TRAPPC9: variants seen among roughly 807,000 people sequenced by gnomAD.
The protein encoded by TRAPPC9 is trafficking protein particle complex subunit 9.
TRAPPC9 carries 83 observed loss-of-function variants against 124.0 expected under a neutral mutation model. The observed-to-expected ratio is 0.67, with a 90% CI of 0.56 to 0.80. The LOEUF is 0.80. TRAPPC9 is among the 30% of genes least tolerant of loss of function. TRAPPC9 has a pLI of 0.00. For synonymous variants in TRAPPC9, 638 were observed against 617.5 expected (o/e 1.03, Z -0.49); for missense variants, 1,302 against 1,508.3 (o/e 0.86, Z 2.27).
At chr8:140,446,090 C>T (rs941059314) in intron 2 of TRAPPC9, among the ~76,000 whole-genome samples, 2 of 152,146 alleles carry the variant, frequency 1.3e-5, no homozygotes, top group East Asian at 1.9e-4. Flanking sequence ...GTCAGGAGTT[C>T]GAGACCAGCC....
At chr8:139,768,894 C>T (rs1317197974) in intron 21 of TRAPPC9, among the ~76,000 whole-genome samples, 1 of 152,018 alleles carries the variant, frequency 6.6e-6, no homozygotes, top group African/African-American at 2.4e-5. Context: ...CAAGATGGGC[C>T]CAATCCTCTC....
intron 21 of TRAPPC9, among the ~76,000 whole-genome samples, chr8:139,782,794 T>C (rs1312938296): frequency 6.6e-6 from 1 of 152,244 alleles, no homozygotes; most frequent in Non-Finnish European, 1.5e-5. Context: ...TTTATCAATA[T>C]AGACCATATT....
At chr8:140,457,865 G>A (rs1280419221), upstream of TRAPPC9, 2 of 1,052,462 alleles carry the variant, frequency 1.9e-6, no homozygotes, top group Non-Finnish European at 1.2e-6. Flanking sequence ...GAGAAAAGAG[G>A]AAGGAGGAGC....
intron 9 of TRAPPC9, among the ~76,000 whole-genome samples, chr8:140,329,204 A>G (rs2066828168): frequency 6.6e-6 from 1 of 152,188 alleles, no homozygotes; most frequent in Non-Finnish European, 1.5e-5. Flanking sequence ...ACACATCTGG[A>G]AAGAATGCTA....
intron 2 of TRAPPC9, among the ~76,000 whole-genome samples, chr8:140,447,074 C>A (rs2071287935): frequency 6.6e-6 from 1 of 152,222 alleles, no homozygotes; most frequent in African/African-American, 2.4e-5. Flanking sequence ...AAGCATGGCG[C>A]TGCAGCCTGG....
chr8:140,026,996 C>T (rs370464468), intron 17 of TRAPPC9, among the ~76,000 whole-genome samples: 3 of 152,222 alleles, frequency 2.0e-5, no homozygotes, highest in African/African-American at 4.8e-5. Context: ...CTTGTGAACA[C>T]GTCTCAGACC....
intron 17 of TRAPPC9, among the ~76,000 whole-genome samples, chr8:140,140,535 A>G (rs989709991): frequency 4.6e-5 from 7 of 152,104 alleles, no homozygotes; most frequent in African/African-American, 1.7e-4. Flanking sequence ...CTATACATCA[A>G]TCAGCGAATG....
intron 20 of TRAPPC9, among the ~76,000 whole-genome samples, chr8:139,902,777 A>C (rs1190041356): frequency 6.6e-6 from 1 of 152,186 alleles, no homozygotes; most frequent in Non-Finnish European, 1.5e-5. Context: ...AGCCCACGTC[A>C]AGTGCCTGAG....
intron 21 of TRAPPC9, among the ~76,000 whole-genome samples, chr8:139,739,889 A>C (rs1200950316): frequency 6.6e-6 from 1 of 152,220 alleles, no homozygotes; most frequent in African/African-American, 2.4e-5. Context: ...GTTCCATTTC[A>C]TATCTGCTGG....
chr8:139,943,961 G>A (rs1424480454), intron 19 of TRAPPC9, among the ~76,000 whole-genome samples: 1 of 152,084 alleles, frequency 6.6e-6, no homozygotes, highest in Non-Finnish European at 1.5e-5. Flanking sequence ...CCTGTCCTTG[G>A]AGGCACAAGA....
chr8:139,859,652 C>T lies in TRAPPC9; in HGVS notation c.3055+26227G>A, dbSNP rs565167109. Among the ~76,000 whole-genome samples the T allele has an allele frequency of 7.9e-5, 12 of 152,352 alleles. No homozygotes were observed. The East Asian group carries it at 9.7e-4, about 12-fold the overall frequency. On this transcript the variant is annotated intron_variant, in intron 21 of 22. Transcript: ENST00000438773. The stretch of plus-strand genomic sequence containing the variant: ...GTCAGATCTGCCCCATGCGGCCAGA[C>T]GGCCAGAGAGAAGCTGGGGACATAT...
chr8:140,040,415 G>C (rs1015333319), intron 17 of TRAPPC9: 5 of 152,300 alleles, frequency 3.3e-5, no homozygotes, highest in African/African-American at 7.2e-5. Context: ...TCCTATTTTA[G>C]ACGGAGTCTC....
chr8:139,752,469 A>C (rs564971495), intron 21 of TRAPPC9, among the ~76,000 whole-genome samples: 1 of 150,260 alleles, frequency 6.7e-6, no homozygotes, highest in East Asian at 2.0e-4. Context: ...TCTACCATCC[A>C]TCTATCCAAC....
intron 15 of TRAPPC9, among the ~76,000 whole-genome samples, chr8:140,268,979 G>A (rs1272490967): frequency 2.0e-5 from 3 of 152,140 alleles, no homozygotes; most frequent in East Asian, 1.9e-4. Flanking sequence ...AGTGTGGCTT[G>A]CCCCGGGGCT....
At chr8:140,356,705 G>A (rs1446697597) in intron 9 of TRAPPC9, among the ~76,000 whole-genome samples, 1 of 151,906 alleles carries the variant, frequency 6.6e-6, no homozygotes, top group Non-Finnish European at 1.5e-5. Context: ...CACCTCCCGG[G>A]TTCAAGCGAT....
In TRAPPC9 at chr8:140,196,547, TCCA is replaced by T. The variant is rs2062673105; in HGVS notation, c.2556+24909_2556+24911del. 7.5e-5 allele frequency among the ~76,000 whole-genome samples: 7 copies of T among 92,864 alleles called. No homozygotes were observed. In the Admixed American group the frequency reaches 8.1e-4, roughly 11 times the overall value. The allele number at this position is 92,864 out of a possible 152,430, so 60.9% of individuals were successfully genotyped here. On this transcript the variant is annotated intron_variant, in intron 17 of 22. Coordinates refer to ENST00000438773, the MANE Select transcript of TRAPPC9 (RefSeq NM_001160372.4). ...TGTGACACTAAAACACACTCAACGATCCACCATACAGATCACACCTGTGACACT... is the reference window on the plus strand; with the variant it reads ...TGTGACACTAAAACACACTCAACGATCCATACAGATCACACCTGTGACACT...
At chr8:140,246,371 T>C (rs1052443340) in intron 16 of TRAPPC9, among the ~76,000 whole-genome samples, 1 of 152,220 alleles carries the variant, frequency 6.6e-6, no homozygotes, top group South Asian at 2.1e-4. Flanking sequence ...GCATTAGGAA[T>C]GCTCACTGCT....
At chr8:140,272,270 G>A in intron 15 of TRAPPC9, among the ~76,000 whole-genome samples, 1 of 143,174 alleles carries the variant, frequency 7.0e-6, no homozygotes, top group Non-Finnish European at 1.5e-5. Flanking sequence ...GGTGTTTGTG[G>A]TGGTGACGAT....
intron 21 of TRAPPC9, among the ~76,000 whole-genome samples, chr8:139,811,196 G>A (rs1824425783): frequency 6.6e-6 from 1 of 152,126 alleles, no homozygotes; most frequent in Admixed American, 6.5e-5. Flanking sequence ...AGAGCTCTTG[G>A]AAATTAAAAA....
Sources: allele counts gnomAD v4.1 joint callset (sites outside exome capture counted in the v4.1 genomes callset), GRCh38; gene constraint gnomAD v4.1.1; transcripts MANE v1.5; gene names NCBI Gene and HGNC (gene_info 2026-07-23, HGNC 2026-07-21).